Variants in CNTNAP2 observed in about 807,000 individuals in gnomAD.
The protein encoded by CNTNAP2 is contactin associated protein 2, also known as contactin-associated protein-like 2.
Under a neutral mutation model 155.2 loss-of-function variants are expected in CNTNAP2, and 98 were observed. That is an observed-to-expected ratio of 0.63 (90% CI 0.54 to 0.75). The LOEUF (loss-of-function observed/expected upper bound fraction) is 0.75, where lower values mean the gene tolerates loss of function less well. Ranked by LOEUF, CNTNAP2 falls within the 30% of genes least tolerant of loss-of-function variation. The pLI is 0.00. For synonymous variants in CNTNAP2, 651 were observed against 631.2 expected, an observed-to-expected ratio of 1.03 and a Z score of -0.47; for missense variants, 1,727 against 1,688.1, an observed-to-expected ratio of 1.02 and a Z score of -0.40.
At chr7:148,382,819 G>A (rs1231211266) in intron 21 of CNTNAP2, among the ~76,000 whole-genome samples, 1 of 152,168 alleles carries the variant, frequency 6.6e-6, no homozygotes, top group African/African-American at 2.4e-5. Context: ...ACTAGCTAAG[G>A]GCTCTTAAGC....
chr7:147,599,627 C>A (rs1276345371), intron 12 of CNTNAP2, among the ~76,000 whole-genome samples: 1 of 152,036 alleles, frequency 6.6e-6, no homozygotes, highest in Admixed American at 6.6e-5. Flanking sequence ...GGAAAAAAAT[C>A]TTTCCTTGCC....
intron 1 of CNTNAP2, among the ~76,000 whole-genome samples, chr7:146,295,922 T>A (rs1333825286): frequency 6.6e-6 from 1 of 151,858 alleles, no homozygotes; most frequent in Admixed American, 6.6e-5. Flanking sequence ...TTTATTGATT[T>A]AGAATGCTTG....
chr7:147,421,911 T>C (rs1365234272), intron 10 of CNTNAP2, among the ~76,000 whole-genome samples: 5 of 151,924 alleles, frequency 3.3e-5, no homozygotes, highest in African/African-American at 1.2e-4. Context: ...CTTGGCCTTT[T>C]TCCATAAGTA....
chr7:146,298,345 T>TA (rs1245958372), intron 1 of CNTNAP2, among the ~76,000 whole-genome samples: 1 of 152,104 alleles, frequency 6.6e-6, no homozygotes, highest in Non-Finnish European at 1.5e-5. Context: ...CATTCAAGCA[T>TA]AAAAAAAGAA....
intron 15 of CNTNAP2, among the ~76,000 whole-genome samples, chr7:148,015,753 T>C (rs755214918): frequency 1.3e-5 from 2 of 152,218 alleles, no homozygotes; most frequent in East Asian, 3.8e-4. Context: ...TTAATGCCAG[T>C]AAGAAAATTG....
At chr7:148,352,319 G>A (rs1393581029) in intron 21 of CNTNAP2, among the ~76,000 whole-genome samples, 1 of 152,212 alleles carries the variant, frequency 6.6e-6, no homozygotes, top group Non-Finnish European at 1.5e-5. Context: ...GCAAGGCAAG[G>A]TGGACTCAGA....
intron 13 of CNTNAP2, among the ~76,000 whole-genome samples, chr7:147,787,982 G>A (rs1797763786): frequency 1.3e-5 from 2 of 152,206 alleles, no homozygotes; most frequent in Admixed American, 6.5e-5. Context: ...GATTGTGGAA[G>A]TACATTCTCT....
chr7:147,747,173 C>T (rs1797058006), intron 13 of CNTNAP2, among the ~76,000 whole-genome samples: 1 of 152,196 alleles, frequency 6.6e-6, no homozygotes, highest in African/African-American at 2.4e-5. Context: ...CTCCTCAGTT[C>T]CTCTGAAACT....
chr7:148,400,652 A>C (rs1462174857), intron 22 of CNTNAP2, among the ~76,000 whole-genome samples: 3 of 152,174 alleles, frequency 2.0e-5, no homozygotes, highest in African/African-American at 7.2e-5. Flanking sequence ...TCTCTTGTAG[A>C]TTACTTGTAA....
At chr7:146,380,974 A>G (rs987489806) in intron 1 of CNTNAP2, among the ~76,000 whole-genome samples, 5 of 149,382 alleles carry the variant, frequency 3.3e-5, no homozygotes, top group Non-Finnish European at 5.9e-5. Flanking sequence ...AATTTTTTGT[A>G]TTTTTAGTAG....
chr7:148,178,333 T>G (rs1794981904), intron 18 of CNTNAP2, among the ~76,000 whole-genome samples: 1 of 152,216 alleles, frequency 6.6e-6, no homozygotes, highest in East Asian at 1.9e-4. Context: ...TGTTTTCTTC[T>G]CAAACATTCA....
At chr7:147,836,158 T>G (rs894158230) in intron 13 of CNTNAP2, among the ~76,000 whole-genome samples, 2 of 152,198 alleles carry the variant, frequency 1.3e-5, no homozygotes, top group Non-Finnish European at 2.9e-5. Context: ...TCCTAGTGGT[T>G]TGTTGTTGTC....
chr7:146,623,973 A>G (rs1056432158), intron 1 of CNTNAP2, among the ~76,000 whole-genome samples: 3 of 151,814 alleles, frequency 2.0e-5, no homozygotes, highest in Non-Finnish European at 2.9e-5. Context: ...TAGTGCCACC[A>G]CATAGTTGTT....
chr7:146,677,028 T>C (rs192783940), intron 1 of CNTNAP2, among the ~76,000 whole-genome samples: 2 of 152,298 alleles, frequency 1.3e-5, no homozygotes, highest in East Asian at 3.9e-4. Context: ...TCACACAACC[T>C]CAGGAGGTCC....
At chr7:148,337,460 C>A (rs915047737) in intron 21 of CNTNAP2, among the ~76,000 whole-genome samples, 1 of 152,206 alleles carries the variant, frequency 6.6e-6, no homozygotes, top group Admixed American at 6.5e-5. Flanking sequence ...CTGGATCTAG[C>A]GAGAATCAGG....
At chr7:146,135,530 A>G (rs948795614) in intron 1 of CNTNAP2, among the ~76,000 whole-genome samples, 2 of 152,132 alleles carry the variant, frequency 1.3e-5, no homozygotes, top group Non-Finnish European at 2.9e-5. Flanking sequence ...TTTTATATCT[A>G]ACTGGAGATT....
At chr7:147,939,406 G>A (rs187294217) in intron 14 of CNTNAP2, among the ~76,000 whole-genome samples, 238 of 152,122 alleles carry the variant, frequency 1.6e-3, no homozygotes, top group African/African-American at 5.6e-3. Context: ...TCAGCTCACT[G>A]CAACCTCTGC....
chr7:147,718,110 G>T (rs1171434817), intron 13 of CNTNAP2, among the ~76,000 whole-genome samples: 1 of 151,968 alleles, frequency 6.6e-6, no homozygotes, highest in Non-Finnish European at 1.5e-5. Flanking sequence ...GAATGTTAAC[G>T]TCAGCATGAT....
intron 3 of CNTNAP2, among the ~76,000 whole-genome samples, chr7:146,891,434 C>A (rs1303879776): frequency 2.0e-5 from 3 of 152,012 alleles, no homozygotes; most frequent in African/African-American, 7.2e-5. Context: ...AAATAAAAGA[C>A]AAATTTGCAC....
Sources: gnomAD v4.1 joint callset for allele counts (sites outside exome capture counted in the v4.1 genomes callset) on GRCh38, gnomAD v4.1.1 for gene constraint, MANE v1.5 for transcripts, NCBI Gene and HGNC (gene_info 2026-07-23, HGNC 2026-07-21) for gene names.